CSMD1: variants seen among roughly 807,000 people sequenced by gnomAD.
CSMD1 encodes CUB and sushi domain-containing protein 1.
A neutral mutation model predicts 417.5 loss-of-function variants in CSMD1; 213 were observed. The ratio of observed to expected loss-of-function variants is 0.51; its 90% CI spans 0.46 to 0.57. The LOEUF (loss-of-function observed/expected upper bound fraction) is 0.57. Among genes scored for constraint, CSMD1 ranks in the 20% least tolerant of loss-of-function variants. The probability of loss-of-function intolerance (pLI) is 0.00; values close to 1 mark genes in which losing one functional copy is unlikely to be tolerated. For missense variants in CSMD1, 6,923 were observed against 4,529.7 expected (o/e 1.53, Z -15.17); for synonymous variants, 2,862 against 1,736.8 (o/e 1.65, Z -16.11).
intron 3 of CSMD1, among the ~76,000 whole-genome samples, chr8:4,331,164 C>G (rs559769871): frequency 2.6e-4 from 40 of 152,226 alleles, no homozygotes; most frequent in African/African-American, 8.7e-4. Context: ...AATTATTTGC[C>G]TGATAAGAAT....
intron 5 of CSMD1, among the ~76,000 whole-genome samples, chr8:3,773,461 A>AT (rs1201294063): frequency 1.3e-5 from 2 of 151,952 alleles, no homozygotes; most frequent in Non-Finnish European, 2.9e-5. Context: ...TAATTATTGT[A>AT]TTTTTTGTAG....
At chr8:4,783,577 G>C (rs906706246) in intron 1 of CSMD1, among the ~76,000 whole-genome samples, 9 of 152,336 alleles carry the variant, frequency 5.9e-5, no homozygotes, top group African/African-American at 1.4e-4. Flanking sequence ...GCTGTGAGTT[G>C]TTCAAATGTG....
intron 5 of CSMD1, chr8:3,949,913 G>C (rs1043629479): frequency 2.6e-5 from 12 of 455,820 alleles, no homozygotes; most frequent in African/African-American, 1.4e-4. Flanking sequence ...GAAGCTCCAG[G>C]TGTTGAGGCA....
At chr8:4,581,529 T>A (rs1263443515) in intron 2 of CSMD1, among the ~76,000 whole-genome samples, 1 of 152,218 alleles carries the variant, frequency 6.6e-6, no homozygotes, top group Admixed American at 6.5e-5. Context: ...TTATTTTAAA[T>A]ACATAACAGA....
intron 3 of CSMD1, among the ~76,000 whole-genome samples, chr8:4,203,995 G>A (rs930311390): frequency 3.1e-4 from 47 of 152,264 alleles, no homozygotes; most frequent in African/African-American, 1.0e-3. Flanking sequence ...CAGCTACTCG[G>A]AAGACTGAGG....
At chr8:4,773,644 G>A (rs937654815) in intron 1 of CSMD1, among the ~76,000 whole-genome samples, 3 of 152,188 alleles carry the variant, frequency 2.0e-5, no homozygotes, top group South Asian at 4.1e-4. Context: ...GTTATTGAAC[G>A]AGCACTGCAA....
chr8:3,211,732 A>G (rs1797620989), intron 30 of CSMD1, among the ~76,000 whole-genome samples: 2 of 152,176 alleles, frequency 1.3e-5, no homozygotes, highest in Admixed American at 1.3e-4. Context: ...CCGTTGGCTC[A>G]CAAGCCCGGC....
At position 3,351,101 on chromosome 8, in the gene CSMD1, T is replaced by A. The variant is rs191578552; in HGVS notation, c.3305-2940A>T. On this transcript the variant is annotated intron_variant, in intron 21 of 69. Transcript: ENST00000635120. ...TCTTCTATTAGTATCTGAATAAGTA[T>A]CTCTCATAACCTGAGATGCAATTAA... is the stretch of plus-strand genomic sequence containing the variant. 1.8e-3 allele frequency among the ~76,000 whole-genome samples: 270 copies of A among 152,342 alleles called. 1 individual carries two copies. Among genetic ancestry groups the A allele is most frequent in the Admixed American group, 2.7e-3 (41 of 15,300 alleles).
At chr8:4,844,694 C>G (rs1024677147) in intron 1 of CSMD1, among the ~76,000 whole-genome samples, 3 of 152,160 alleles carry the variant, frequency 2.0e-5, no homozygotes, top group African/African-American at 7.2e-5. Flanking sequence ...TCATTATTAT[C>G]TTAGACTCTA....
At chr8:4,382,896 A>T (rs1430332726) in intron 3 of CSMD1, among the ~76,000 whole-genome samples, 1 of 152,178 alleles carries the variant, frequency 6.6e-6, no homozygotes, top group Non-Finnish European at 1.5e-5. Context: ...TAAATTGTTC[A>T]AGAATACCTA....
intron 2 of CSMD1, among the ~76,000 whole-genome samples, chr8:4,524,495 G>A (rs1796409291): frequency 1.3e-5 from 2 of 152,022 alleles, no homozygotes; most frequent in Non-Finnish European, 2.9e-5. Flanking sequence ...GAAGCCCACG[G>A]GATATGTGAT....
intron 1 of CSMD1, among the ~76,000 whole-genome samples, chr8:4,738,903 T>TAG (rs140973405): frequency 6.8e-6 from 1 of 147,396 alleles, no homozygotes; most frequent in African/African-American, 2.6e-5. Context: ...TTCTGTGTGT[T>TAG]TGTGTGTGTG....
At chr8:3,858,738 A>G (rs1804485092) in intron 5 of CSMD1, among the ~76,000 whole-genome samples, 1 of 152,150 alleles carries the variant, frequency 6.6e-6, no homozygotes, top group Admixed American at 6.6e-5. Flanking sequence ...CATTTTCAAA[A>G]TAACTTTGGA....
At chr8:3,523,111 T>A (rs1411181535) in intron 10 of CSMD1, among the ~76,000 whole-genome samples, 1 of 151,898 alleles carries the variant, frequency 6.6e-6, no homozygotes, top group Non-Finnish European at 1.5e-5. Context: ...TAGTTACATC[T>A]GCACATTTTT....
At chr8:3,725,877 A>C (rs2129045998) in intron 6 of CSMD1, among the ~76,000 whole-genome samples, 1 of 152,262 alleles carries the variant, frequency 6.6e-6, no homozygotes, top group East Asian at 1.9e-4. Context: ...ACCATTATTA[A>C]ACATGCCCTT....
intron 3 of CSMD1, among the ~76,000 whole-genome samples, chr8:4,342,907 T>C (rs1028839840): frequency 3.3e-5 from 5 of 152,070 alleles, no homozygotes; most frequent in African/African-American, 1.2e-4. Flanking sequence ...ACTTATGTTT[T>C]AGAGAATTCC....
intron 12 of CSMD1, among the ~76,000 whole-genome samples, chr8:3,429,210 G>A (rs1446908092): frequency 2.6e-5 from 4 of 151,442 alleles, no homozygotes; most frequent in Non-Finnish European, 4.4e-5. Flanking sequence ...GTAAAGAAAC[G>A]CTGAACGTTG....
chr8:4,831,088 T>C (rs1466134215), intron 1 of CSMD1, among the ~76,000 whole-genome samples: 2 of 152,196 alleles, frequency 1.3e-5, no homozygotes, highest in African/African-American at 4.8e-5. Flanking sequence ...GGGAGGGATG[T>C]TTTTTCCATT....
intron 1 of CSMD1, among the ~76,000 whole-genome samples, chr8:4,656,913 G>T (rs117153830): frequency 1.3e-5 from 2 of 151,926 alleles, no homozygotes; most frequent in Non-Finnish European, 2.9e-5. Context: ...ATCTGGGGGC[G>T]GCCTGAAACA....
Sources: gnomAD v4.1 joint callset for allele counts (sites outside exome capture counted in the v4.1 genomes callset) on GRCh38, gnomAD v4.1.1 for gene constraint, MANE v1.5 for transcripts, NCBI Gene and HGNC (gene_info 2026-07-23, HGNC 2026-07-21) for gene names.